COL14A1: variants seen among roughly 807,000 people sequenced by gnomAD.
COL14A1 encodes collagen type XIV alpha 1 chain.
In COL14A1, 136 loss-of-function variants were observed where a neutral mutation model predicts 230.3. The ratio of observed to expected loss-of-function variants is 0.59; its 90% CI spans 0.51 to 0.68. The LOEUF (loss-of-function observed/expected upper bound fraction) is 0.68, where lower values mean the gene tolerates loss of function less well. Among genes scored for constraint, COL14A1 ranks in the 30% least tolerant of loss-of-function variants. The pLI, the probability that COL14A1 is intolerant of heterozygous loss-of-function variation, is 0.00. For synonymous variants in COL14A1, 792 were observed against 784.1 expected (o/e 1.01, Z -0.17); for missense variants, 1,976 against 2,215.8 (o/e 0.89, Z 2.17).
At chr8:120,348,676 A>G (rs1322774434) in intron 45 of COL14A1, among the ~76,000 whole-genome samples, 1 of 152,158 alleles carries the variant, frequency 6.6e-6, no homozygotes, top group Non-Finnish European at 1.5e-5. Flanking sequence ...TAACCTATGG[A>G]AAAAAATTTT....
At chr8:120,200,683 C>T (rs1167997198) in intron 8 of COL14A1, among the ~76,000 whole-genome samples, 1 of 128,364 alleles carries the variant, frequency 7.8e-6, no homozygotes, top group East Asian at 2.2e-4. Context: ...AGTTTGTCTC[C>T]TTTAGAGAAA....
chr8:120,168,474 C>T (rs1281260642), intron 5 of COL14A1, among the ~76,000 whole-genome samples: 1 of 152,090 alleles, frequency 6.6e-6, no homozygotes, highest in Non-Finnish European at 1.5e-5. Flanking sequence ...ATATGTACAG[C>T]CTGTCATATT....
At chr8:120,156,132 G>A (rs1166699114) in intron 2 of COL14A1, among the ~76,000 whole-genome samples, 10 of 151,230 alleles carry the variant, frequency 6.6e-5, no homozygotes, top group Admixed American at 5.3e-4. Context: ...AGTTTGTGGA[G>A]CAGTAAATTC....
At chr8:120,359,696 C>T (rs1414657529) in intron 45 of COL14A1, among the ~76,000 whole-genome samples, 3 of 152,126 alleles carry the variant, frequency 2.0e-5, no homozygotes, top group African/African-American at 7.2e-5. Flanking sequence ...ATCTAACATT[C>T]TTATGTACCA....
intron 4 of COL14A1, among the ~76,000 whole-genome samples, chr8:120,166,506 A>G (rs990398588): frequency 7.0e-5 from 10 of 143,338 alleles, no homozygotes; most frequent in African/African-American, 2.4e-4. Context: ...CTAAGTCTCT[A>G]CCTCTGAATT....
chr8:120,317,349 T>C (rs932489598), intron 40 of COL14A1, among the ~76,000 whole-genome samples: 5 of 147,088 alleles, frequency 3.4e-5, no homozygotes, highest in African/African-American at 5.4e-5. Flanking sequence ...CATCCCCCCC[T>C]TTTTTTTAAC....
At chr8:120,255,428 A>C in intron 23 of COL14A1, 72 bp downstream of exon 23, 1 of 1,131,904 alleles carries the variant, frequency 8.8e-7, no homozygotes, top group Non-Finnish European at 1.3e-6. Context: ...CACTGTGTAC[A>C]ACACACAAGT....
chr8:120,370,585 T>G (rs2130406307), intron 47 of COL14A1: 2 of 1,454,914 alleles, frequency 1.4e-6, no homozygotes, highest in East Asian at 2.5e-5. Flanking sequence ...CCAAATCATA[T>G]ATGTCTATTT....
chr8:120,225,649 C>T (rs896145608), intron 15 of COL14A1, among the ~76,000 whole-genome samples: 9 of 152,058 alleles, frequency 5.9e-5, no homozygotes, highest in African/African-American at 9.7e-5. Context: ...GATGATTTTC[C>T]CCGAGCCTGA....
In COL14A1 at chr8:120,371,141, T is replaced by C. The variant is rs752949830; in HGVS notation, c.5312-11T>C. On this transcript the variant is annotated splice_polypyrimidine_tract_variant and intron_variant, in intron 47 of 47. Coordinates refer to ENST00000297848, the MANE Select transcript of COL14A1 (RefSeq NM_021110.4). The stretch of plus-strand genomic sequence containing the variant: ...GTGCAGCAAGTCCCCACCCCCACTT[T>C]TCCTCTTTAGCTCCCCATCCAGATC... 6.3e-7 allele frequency: 1 copy of C among 1,597,748 alleles called. No individual in the cohort carries two copies. Among genetic ancestry groups the C allele is most frequent in the Non-Finnish European group, 8.5e-7 (1 of 1,174,728 alleles).
At chr8:120,365,315 C>T (rs1399992675) in intron 45 of COL14A1, among the ~76,000 whole-genome samples, 2 of 152,146 alleles carry the variant, frequency 1.3e-5, no homozygotes, top group South Asian at 2.1e-4. Flanking sequence ...ACCGTGAGGT[C>T]GTGAGAGGCC....
At chr8:120,330,966 G>A (rs929323915) in intron 40 of COL14A1, among the ~76,000 whole-genome samples, 9 of 152,048 alleles carry the variant, frequency 5.9e-5, no homozygotes, top group Non-Finnish European at 1.0e-4. Flanking sequence ...TTAGCCAGTC[G>A]TGGTGGTGCA....
chr8:120,338,403 A>G (rs995554620), intron 42 of COL14A1, among the ~76,000 whole-genome samples: 2 of 152,096 alleles, frequency 1.3e-5, no homozygotes, highest in African/African-American at 2.4e-5. Flanking sequence ...GGAGCCCACA[A>G]TTTGGGTTCA....
At chr8:120,133,893 A>T (rs1215078817) in intron 1 of COL14A1, among the ~76,000 whole-genome samples, 1 of 152,080 alleles carries the variant, frequency 6.6e-6, no homozygotes, top group African/African-American at 2.4e-5. Context: ...TAAGACTTTG[A>T]AAAAATGTTA....
chr8:120,360,871 C>G (rs1334320524), intron 45 of COL14A1, among the ~76,000 whole-genome samples: 1 of 152,118 alleles, frequency 6.6e-6, no homozygotes, highest in Non-Finnish European at 1.5e-5. Context: ...GCCCTCTGCT[C>G]TTTGGCAAGG....
intron 14 of COL14A1, among the ~76,000 whole-genome samples, chr8:120,217,348 T>G (rs1437705817): frequency 6.6e-6 from 1 of 152,152 alleles, no homozygotes; most frequent in Non-Finnish European, 1.5e-5. Flanking sequence ...TGACTAATAC[T>G]TTCAAAAAAG....
chr8:120,278,473 G>A lies in COL14A1; in HGVS notation c.3376G>A (p.Ala1126Thr). The A allele has an allele frequency of 6.2e-7, 1 of 1,613,042 alleles. No homozygotes were observed. The highest frequency in any genetic ancestry group is 8.5e-7 in the Non-Finnish European group (1 of 1,179,458). Reference sequence around the variant, plus strand: ...GTATGTTCGAGATACCTTGTTCACTGCAGAGTCAGGTACAAGAAGGGGCAT... The same window carrying A: ...GTATGTTCGAGATACCTTGTTCACTACAGAGTCAGGTACAAGAAGGGGCAT... ...IKYVRDTLFT[A>T]ESGTRRGIPK... The change falls in exon 28 of 48, where the codon GCA (alanine) becomes ACA (threonine). Residue 1126 changes from alanine (A) to threonine (T), a missense_variant. Physicochemically the swap from Ala to Thr is moderately conservative, Grantham distance 58. This residue lies in a region of COL14A1 where 1,791 missense variants were observed against 2,019.5 expected (regional missense o/e 0.89). Coordinates refer to ENST00000297848, the MANE Select transcript of COL14A1 (RefSeq NM_021110.4).
intron 24 of COL14A1, among the ~76,000 whole-genome samples, chr8:120,263,462 T>C (rs912802750): frequency 7.9e-5 from 12 of 152,174 alleles, no homozygotes; most frequent in African/African-American, 1.2e-4. Context: ...AAGAAGCTCT[T>C]GCACTTTTTC....
At chr8:120,275,090 A>G (rs947507927) in intron 26 of COL14A1, among the ~76,000 whole-genome samples, 3 of 152,058 alleles carry the variant, frequency 2.0e-5, no homozygotes, top group Non-Finnish European at 4.4e-5. Flanking sequence ...CTGACTTCAA[A>G]GTATACTACA....
Sources: gnomAD v4.1 joint callset for allele counts (sites outside exome capture counted in the v4.1 genomes callset) on GRCh38, gnomAD v4.1.1 for gene constraint, gnomAD v4.1.1 regional missense constraint, MANE v1.5 for transcripts, NCBI Gene and HGNC (gene_info 2026-07-23, HGNC 2026-07-21) for gene names.